DMRTC2: variants seen among roughly 807,000 people sequenced by gnomAD.
DMRTC2 encodes doublesex- and mab-3-related transcription factor C2.
In DMRTC2, 13 loss-of-function variants were observed where a neutral mutation model predicts 39.9. The ratio of observed to expected loss-of-function variants is 0.33; its 90% CI spans 0.21 to 0.52. The LOEUF is 0.52. DMRTC2 is among the 20% of genes least tolerant of loss of function. The pLI, the probability that DMRTC2 is intolerant of heterozygous loss-of-function variation, is 0.96. For synonymous variants in DMRTC2, 189 were observed against 185.2 expected (o/e 1.02, Z -0.17); for missense variants, 431 against 472.8 (o/e 0.91, Z 0.82).
At chr19:41,845,293 CG>C (rs2073805694) in intron 1 of DMRTC2, 192 bp downstream of exon 1, 1 of 151,920 alleles carries the variant, frequency 6.6e-6, no homozygotes, top group Non-Finnish European at 1.5e-5. Context: ...CCCTGGGGCA[CG>C]GGAAGGGGGG....
At chr19:41,848,330 AG>A in intron 3 of DMRTC2, 121 bp from the exon 4 acceptor site, 1 of 799,224 alleles carries the variant, frequency 1.3e-6, no homozygotes, top group Non-Finnish European at 2.0e-6. Flanking sequence ...TGGGCGACAC[AG>A]CAAGACTCCA....
In DMRTC2 at chr19:41,850,530, C is replaced by T. The variant is rs781871697; in HGVS notation, c.821C>T (p.Ser274Phe). ...PDPLQLQPQA[S>F]GASCLARTSG... ...TTGTCTCCCTTTCCCTTGCAGGCCT[C>T]TGGAGCCTCGTGCCTGGCCCGGACA... The change falls in exon 8 of 9, where the codon TCT becomes TTT. Residue 274 changes from serine (S) to phenylalanine (F), a missense_variant. Transcript: ENST00000269945. 1 of 1,611,754 alleles carries T rather than the reference C, an allele frequency of 6.2e-7. No individual in the cohort carries two copies.
Position 41,851,629 on chromosome 19 carries a change from G to C in DMRTC2, c.1037G>C (p.Arg346Pro), listed in dbSNP as rs782169803. ...RGFQPVGPCLRPSPAPSVALH... is the reference protein window; with the variant it reads ...RGFQPVGPCLPPSPAPSVALH... ...TTCCAGCCTGTTGGCCCCTGTCTTC[G>C]ACCCAGCCCAGCCCCCTCTGTTGCT... Residue 346 changes from arginine to proline, a missense_variant, in exon 9 of 9, where the codon CGA becomes CCA. By Grantham distance (103) the Arg-to-Pro change is moderately radical. Transcript: ENST00000269945. The C allele has an allele frequency of 5.6e-6, 9 of 1,614,052 alleles. No individual in the cohort carries two copies. Among genetic ancestry groups the C allele is most frequent in the East Asian group, 4.5e-5 (2 of 44,882 alleles).
intron 3 of DMRTC2, 53 bp from the exon 4 acceptor site, chr19:41,848,399 A>C: frequency 1.4e-6 from 2 of 1,464,046 alleles, no homozygotes; most frequent in Non-Finnish European, 1.9e-6. Context: ...GGGTTGGGGT[A>C]GGATAGGGGT....
In DMRTC2 at chr19:41,850,535, G is replaced by T; in HGVS notation, c.826G>T (p.Ala276Ser). 6.2e-7 allele frequency: 1 copy of T among 1,612,180 alleles called. No individual in the cohort carries two copies. Among genetic ancestry groups the T allele is most frequent in the Non-Finnish European group, 8.5e-7 (1 of 1,179,138 alleles). ...TCCCTTTCCCTTGCAGGCCTCTGGAGCCTCGTGCCTGGCCCGGACATCTGG... is the reference window on the plus strand; with the variant it reads ...TCCCTTTCCCTTGCAGGCCTCTGGATCCTCGTGCCTGGCCCGGACATCTGG... ...PLQLQPQASG[A>S]SCLARTSGPS... is the part of the protein sequence containing the mutation. Residue 276 changes from alanine to serine, a missense_variant, in exon 8 of 9, where the codon GCC becomes TCC. Coordinates refer to ENST00000269945, the MANE Select transcript of DMRTC2 (RefSeq NM_001040283.3).
chr19:41,845,692 TGGCACA>T (rs1258456251), intron 1 of DMRTC2, among the ~76,000 whole-genome samples: 1 of 152,152 alleles, frequency 6.6e-6, no homozygotes, highest in Non-Finnish European at 1.5e-5. Context: ...ACGGGCGTGG[TGGCACA>T]GGCCTGTAAT....
At position 41,849,263 on chromosome 19, in the gene DMRTC2, A is replaced by G. The variant is rs782519303; in HGVS notation, c.755+7A>G. 3 of 1,613,620 alleles carry G rather than the reference A, an allele frequency of 1.9e-6. No homozygotes were observed. Among genetic ancestry groups the G allele is most frequent in the Non-Finnish European group, 2.5e-6 (3 of 1,179,746 alleles). ...CCCCTAGCCAGCCCCGCACGTGAGTAGGGAGAGAAGGATGTGTATCATAAG... is the reference window on the plus strand; with the variant it reads ...CCCCTAGCCAGCCCCGCACGTGAGTGGGGAGAGAAGGATGTGTATCATAAG... On this transcript the variant is annotated splice_region_variant and intron_variant, in intron 6 of 8. Transcript: ENST00000269945.
Position 41,852,289 on chromosome 19 carries a change from AT to A in DMRTC2, c.*600del, listed in dbSNP as rs1280088457. 1 of 152,052 alleles carries A rather than the reference AT, an allele frequency of 6.6e-6. No individual in the cohort carries two copies. Among genetic ancestry groups the A allele is most frequent in the Non-Finnish European group, 1.5e-5 (1 of 68,034 alleles). 9.4% of individuals were successfully genotyped at this position (152,052 alleles called of 1,614,324 possible). A position where few individuals can be genotyped will look rare whatever the true frequency, so the allele number is the denominator to read the frequency against. On this transcript the variant is annotated 3_prime_UTR_variant, in exon 9 of 9. Coordinates refer to ENST00000269945, the MANE Select transcript of DMRTC2 (RefSeq NM_001040283.3). ...CTACCATAGATGAAAACAAACTTGG[AT>A]TTTTTTCTTTGTCCAAATAAAAAAA...
At chr19:41,847,077 C>G (rs1555836080) in intron 1 of DMRTC2, among the ~76,000 whole-genome samples, 1 of 149,946 alleles carries the variant, frequency 6.7e-6, no homozygotes, top group Non-Finnish European at 1.5e-5. Context: ...CCCAGCTACT[C>G]AGGAGGCTGA....
Position 41,851,830 on chromosome 19 carries a change from G to C in DMRTC2, c.*134G>C. 2.7e-6 allele frequency: 2 copies of C among 742,502 alleles called. No homozygotes were observed. The highest frequency in any genetic ancestry group is 4.3e-6 in the Non-Finnish European group (2 of 462,026). The allele number at this position is 742,502 out of a possible 1,614,324, so 46.0% of individuals were successfully genotyped here. On this transcript the variant is annotated 3_prime_UTR_variant, in exon 9 of 9. Transcript: ENST00000269945. ...AAGCTTCGGGCTTTTTTGTTTGTTT[G>C]TTTGTTTGTTTGTTTAAGCTTTCAG... is the stretch of plus-strand genomic sequence containing the variant.
intron 7 of DMRTC2, 27 bp downstream of exon 7, chr19:41,850,399 G>A (rs111821405): frequency 6.4e-7 from 1 of 1,560,750 alleles, no homozygotes; most frequent in South Asian, 1.2e-5. Context: ...GGGATCTAGG[G>A]CCCTGGGAGG....
intron 5 of DMRTC2, 28 bp from the exon 6 acceptor site, chr19:41,849,102 A>G: frequency 1.2e-6 from 2 of 1,614,024 alleles, no homozygotes; most frequent in East Asian, 2.2e-5. Flanking sequence ...TGGCCCCTAT[A>G]CACTCTGCAT....
chr19:41,845,666 A>G (rs897117049), intron 1 of DMRTC2, among the ~76,000 whole-genome samples: 1 of 152,156 alleles, frequency 6.6e-6, no homozygotes, highest in Non-Finnish European at 1.5e-5. Context: ...ATCTCTACTA[A>G]AAATACAAAA....
rs1555836782 is a variant in DMRTC2, at chr19:41,849,181, C to G, written c.680C>G (p.Thr227Ser). 2 of 1,614,222 alleles carry G rather than the reference C, an allele frequency of 1.2e-6. No homozygotes were observed. Among genetic ancestry groups the G allele is most frequent in the Non-Finnish European group, 1.7e-6 (2 of 1,180,040 alleles). ...CTGCCCACTCATGGGCCCTTCACCA[C>G]CTGCCCAGGATCTCACCCAGTACTG... ...LQLPTHGPFT[T>S]CPGSHPVLTA... The change falls in exon 6 of 9, where the codon ACC becomes AGC. Residue 227 changes from threonine (T) to serine (S), a missense_variant. By Grantham distance (58) the Thr-to-Ser change is moderately conservative (BLOSUM62 1). Transcript: ENST00000269945.
At chr19:41,850,397 G>A (rs1555837070) in intron 7 of DMRTC2, 25 bp downstream of exon 7, 1 of 1,555,978 alleles carries the variant, frequency 6.4e-7, no homozygotes, top group South Asian at 1.2e-5. Context: ...GTGGGATCTA[G>A]GGCCCTGGGA....
rs782679626 is a variant in DMRTC2, at chr19:41,850,550, C to G, written c.841C>G (p.Arg281Gly). The G allele has an allele frequency of 6.2e-7, 1 of 1,612,892 alleles. No homozygotes were observed. The highest frequency in any genetic ancestry group is 1.3e-5 in the African/African-American group (1 of 74,790). Residue 281 changes from arginine to glycine, a missense_variant, in exon 8 of 9, where the codon CGG becomes GGG. Physicochemically the swap from Arg to Gly is moderately radical, Grantham distance 125. Transcript: ENST00000269945. ...GGCCTCTGGAGCCTCGTGCCTGGCCCGGACATCTGGCCCCTCAGAGTGGCA... is the reference window on the plus strand; with the variant it reads ...GGCCTCTGGAGCCTCGTGCCTGGCCGGGACATCTGGCCCCTCAGAGTGGCA... ...PQASGASCLA[R>G]TSGPSEWQLQ...
rs539184228 is a variant in DMRTC2, at chr19:41,847,478, C to T, written c.50C>T (p.Ala17Val). The part of the protein sequence containing the change: ...PAGYHCPLDS[A>V]PWDETRDPQS... Reference sequence around the variant, plus strand: ...GGCTACCACTGCCCCTTAGACTCTGCCCCCTGGGATGAGACCAGAGACCCC... The same window carrying T: ...GGCTACCACTGCCCCTTAGACTCTGTCCCCTGGGATGAGACCAGAGACCCC... The change falls in exon 2 of 9, where the codon GCC (alanine) becomes GTC (valine). Residue 17 changes from alanine (A) to valine (V), a missense_variant. By Grantham distance (64) the Ala-to-Val change is moderately conservative (BLOSUM62 0). Coordinates refer to ENST00000269945, the MANE Select transcript of DMRTC2 (RefSeq NM_001040283.3). 13 of 1,608,708 alleles carry T rather than the reference C, an allele frequency of 8.1e-6. No homozygotes were observed. In the South Asian group the frequency reaches 1.1e-4, roughly 14 times the overall value.
intron 6 of DMRTC2, 163 bp from the exon 7 acceptor site, chr19:41,850,149 A>G: frequency 1.8e-6 from 1 of 547,756 alleles, no homozygotes; most frequent in Non-Finnish European, 3.0e-6. Context: ...ACTGGCAAGG[A>G]TTTTTACTTT....
rs367552578 is a variant in DMRTC2 at position 41,848,968 on chromosome 19, C to A, written c.621C>A (p.Pro207=). Reference sequence around the variant, plus strand: ...AAGAACCTGCTGTCTCTCTGCCTCCCTTCCCTGGTAAGATGATAATTCAAC... The same window carrying A: ...AAGAACCTGCTGTCTCTCTGCCTCCATTCCCTGGTAAGATGATAATTCAAC... ...LYQEPAVSLP[P]FPGFDPGTSL... Residue 207 remains proline, a synonymous_variant, in exon 5 of 9, where the codon CCC becomes CCA. Transcript: ENST00000269945. The A allele has an allele frequency of 1.1e-5, 17 of 1,614,012 alleles. No homozygotes were observed. Among genetic ancestry groups the A allele is most frequent in the African/African-American group, 6.7e-5 (5 of 74,938 alleles).
Sources: gnomAD v4.1 joint callset for allele counts (sites outside exome capture counted in the v4.1 genomes callset) on GRCh38, gnomAD v4.1.1 for gene constraint, MANE v1.5 for transcripts, NCBI Gene and HGNC (gene_info 2026-07-23, HGNC 2026-07-21) for gene names.